Variants in TXLNB observed in about 807,000 individuals in gnomAD.
TXLNB encodes the protein beta-taxilin.
In TXLNB, 37 loss-of-function variants were observed where a neutral mutation model predicts 57.4. The observed-to-expected ratio is 0.64, with a 90% CI of 0.50 to 0.85. TXLNB has a LOEUF of 0.85. TXLNB is among the 40% of genes least tolerant of loss of function. TXLNB has a pLI of 0.00. For missense variants in TXLNB, 848 were observed against 825.6 expected (o/e 1.03, Z -0.33); for synonymous variants, 302 against 309.6 (o/e 0.98, Z 0.26).
the TXLNB span, among the ~76,000 whole-genome samples, chr6:139,230,822 C>G: frequency 6.6e-6 from 1 of 152,150 alleles, no homozygotes; most frequent in African/African-American, 2.4e-5. Flanking sequence ...GTTGAGCAAA[C>G]AAAAGTCTGC....
the TXLNB span, among the ~76,000 whole-genome samples, chr6:139,186,535 T>G: frequency 6.6e-6 from 1 of 152,214 alleles, no homozygotes; most frequent in South Asian, 2.1e-4. Context: ...TGGGACTCTA[T>G]TACACTGCTG....
the TXLNB span, among the ~76,000 whole-genome samples, chr6:139,225,667 AAAG>A: frequency 2.4e-4 from 37 of 152,232 alleles, no homozygotes; most frequent in African/African-American, 8.4e-4. Flanking sequence ...GAAAATAGTC[AAAG>A]AAGAACTAAA....
chr6:139,320,176 C>T, the TXLNB span, among the ~76,000 whole-genome samples: 10 of 152,104 alleles, frequency 6.6e-5, no homozygotes, highest in African/African-American at 2.4e-4. Flanking sequence ...ATAAAAGTTA[C>T]TTAAGTAACT....
chr6:139,232,511 G>A, the TXLNB span, among the ~76,000 whole-genome samples: 1 of 152,294 alleles, frequency 6.6e-6, no homozygotes, highest in South Asian at 2.1e-4. Context: ...CTATAAACTT[G>A]AACTCTGACT....
At chr6:139,174,545 T>C in the TXLNB span, 3 of 1,613,572 alleles carry the variant, frequency 1.9e-6, no homozygotes, top group Non-Finnish European at 2.5e-6. Context: ...GTCAGGTAGG[T>C]ACTGAACACA....
At chr6:139,276,675 G>T (rs964260252) in intron 3 of TXLNB, among the ~76,000 whole-genome samples, 155 bp downstream of exon 3, 2 of 152,208 alleles carry the variant, frequency 1.3e-5, no homozygotes, top group Admixed American at 6.5e-5. Context: ...CCACATCTTA[G>T]CTGTGGGTCT....
At chr6:139,159,767 A>G in the TXLNB span, among the ~76,000 whole-genome samples, 1 of 152,354 alleles carries the variant, frequency 6.6e-6, no homozygotes, top group South Asian at 2.1e-4. Flanking sequence ...GAATGTGACT[A>G]AGTCATCCCT....
chr6:139,166,254 AAATCTG>A, the TXLNB span: 1 of 1,539,668 alleles, frequency 6.5e-7, no homozygotes, highest in Non-Finnish European at 8.8e-7. Context: ...CAAAAATCTG[AAATCTG>A]TTCTCTCTTT....
At chr6:139,269,629 T>C (rs767145164) in intron 4 of TXLNB, among the ~76,000 whole-genome samples, 4 of 152,270 alleles carry the variant, frequency 2.6e-5, no homozygotes, top group East Asian at 1.9e-4. Flanking sequence ...GTGATTTTCA[T>C]GTACTCTGTT....
At chr6:139,221,082 A>G in the TXLNB span, among the ~76,000 whole-genome samples, 14 of 152,214 alleles carry the variant, frequency 9.2e-5, no homozygotes, top group African/African-American at 2.4e-4. Context: ...AAAACTTGAA[A>G]TGGTCAAGAA....
chr6:139,194,187 C>A, the TXLNB span, among the ~76,000 whole-genome samples: 1 of 152,250 alleles, frequency 6.6e-6, no homozygotes, highest in African/African-American at 2.4e-5. Context: ...ATGATCCACC[C>A]GCCTCAGCCT....
the TXLNB span, among the ~76,000 whole-genome samples, chr6:139,231,164 A>G: frequency 6.6e-6 from 1 of 152,186 alleles, no homozygotes; most frequent in Non-Finnish European, 1.5e-5. Flanking sequence ...CACATTTCAT[A>G]AAACCCCCAT....
At chr6:139,203,898 A>G in the TXLNB span, among the ~76,000 whole-genome samples, 1 of 152,158 alleles carries the variant, frequency 6.6e-6, no homozygotes, top group Admixed American at 6.5e-5. Flanking sequence ...AAAAAAATTC[A>G]TCGGTGTTCT....
At chr6:139,297,912 C>T in the TXLNB span, among the ~76,000 whole-genome samples, 2 of 152,064 alleles carry the variant, frequency 1.3e-5, no homozygotes, top group African/African-American at 2.4e-5. Context: ...GTGGTGGGGG[C>T]GCATCATTCT....
the TXLNB span, among the ~76,000 whole-genome samples, chr6:139,319,133 G>A: frequency 1.3e-5 from 2 of 151,648 alleles, no homozygotes; most frequent in Non-Finnish European, 2.9e-5. Context: ...CAGTAGAGAC[G>A]GGGTTTTACC....
chr6:139,311,569 C>A, the TXLNB span, among the ~76,000 whole-genome samples: 2 of 152,058 alleles, frequency 1.3e-5, no homozygotes, highest in Non-Finnish European at 2.9e-5. Context: ...CTCTAGCTGA[C>A]CTTGTGATGC....
At chr6:139,204,390 GCACTCTGCAGCACTCC>G in the TXLNB span, among the ~76,000 whole-genome samples, 12 of 152,146 alleles carry the variant, frequency 7.9e-5, no homozygotes, top group Admixed American at 2.0e-4. Flanking sequence ...CTTGATGGAG[GCACTCTGCAGCACTCC>G]CACTCTGCAG....
At chr6:139,183,100 G>A in the TXLNB span, 3 of 152,300 alleles carry the variant, frequency 2.0e-5, no homozygotes, top group South Asian at 6.2e-4. Flanking sequence ...TATGCTTTTT[G>A]TTTTACCCAC....
the TXLNB span, among the ~76,000 whole-genome samples, chr6:139,229,777 AT>A: frequency 1.3e-5 from 2 of 152,172 alleles, no homozygotes; most frequent in African/African-American, 4.8e-5. Flanking sequence ...CACTCACATT[AT>A]TTGGGACTGC....
Sources: allele counts gnomAD v4.1 joint callset (sites outside exome capture counted in the v4.1 genomes callset), GRCh38; gene constraint gnomAD v4.1.1; transcripts MANE v1.5; gene names NCBI Gene and HGNC (gene_info 2026-07-23, HGNC 2026-07-21).